The following FBXO34 variants were observed in gnomAD, a reference collection of about 807,000 sequenced individuals.
FBXO34 encodes F-box only protein 34.
Under a neutral mutation model 24.5 loss-of-function variants are expected in FBXO34, and 12 were observed. The observed-to-expected ratio is 0.49, with a 90% CI of 0.31 to 0.79. FBXO34 has a LOEUF of 0.79. FBXO34 is among the 30% of genes least tolerant of loss of function. The probability of loss-of-function intolerance (pLI) is 0.04; values close to 1 mark genes in which losing one functional copy is unlikely to be tolerated. For synonymous variants in FBXO34, 320 were observed against 311.9 expected (o/e 1.03, Z -0.27); for missense variants, 823 against 857.7 (o/e 0.96, Z 0.51).
the FBXO34 span, chr14:55,381,858 T>A: frequency 1.1e-6 from 1 of 920,558 alleles, no homozygotes; most frequent in Non-Finnish European, 1.7e-6. Context: ...GTGAATGTAC[T>A]AAATGCCCCT....
chr14:55,427,866 A>C, the FBXO34 span, among the ~76,000 whole-genome samples: 29,379 of 147,822 alleles, frequency 0.2, 4,805 homozygotes, highest in African/African-American at 0.45. Context: ...TAGGGGACAA[A>C]CTAGTTAGGA....
chr14:55,423,638 ATAT>A, the FBXO34 span, among the ~76,000 whole-genome samples: 1 of 152,232 alleles, frequency 6.6e-6, no homozygotes, highest in East Asian at 1.9e-4. Context: ...TGGGGAAAAA[ATAT>A]TACATAACAC....
intron 1 of FBXO34, among the ~76,000 whole-genome samples, chr14:55,330,470 C>G (rs1883495953): frequency 6.6e-6 from 1 of 152,002 alleles, no homozygotes. Flanking sequence ...ATCTGCATGA[C>G]TGTAAAATAG....
the FBXO34 span, among the ~76,000 whole-genome samples, chr14:55,379,485 C>T: frequency 2.6e-5 from 4 of 152,016 alleles, no homozygotes; most frequent in Admixed American, 6.6e-5. Flanking sequence ...ACGGAGGTTG[C>T]AATGAGCTAA....
the FBXO34 span, among the ~76,000 whole-genome samples, chr14:55,427,309 C>T: frequency 6.6e-6 from 1 of 151,904 alleles, no homozygotes; most frequent in African/African-American, 2.4e-5. Flanking sequence ...AAAAAGAAAA[C>T]ATAATCAAGA....
At chr14:55,422,767 C>T in the FBXO34 span, among the ~76,000 whole-genome samples, 1 of 152,040 alleles carries the variant, frequency 6.6e-6, no homozygotes, top group Non-Finnish European at 1.5e-5. Context: ...GCAGGAGAAT[C>T]ACTTGAACGC....
intron 1 of FBXO34, among the ~76,000 whole-genome samples, chr14:55,346,522 A>G (rs998540580): frequency 6.6e-6 from 1 of 152,206 alleles, no homozygotes; most frequent in Non-Finnish European, 1.5e-5. Context: ...GCTGTGGGAT[A>G]TGAAGTTGGG....
At chr14:55,332,343 T>A (rs1160622430) in intron 1 of FBXO34, among the ~76,000 whole-genome samples, 1 of 152,022 alleles carries the variant, frequency 6.6e-6, no homozygotes, top group African/African-American at 2.4e-5. Context: ...TAGCAATAAT[T>A]ATGGCAAATG....
the FBXO34 span, among the ~76,000 whole-genome samples, chr14:55,392,340 C>A: frequency 2.6e-4 from 40 of 152,118 alleles, no homozygotes; most frequent in Admixed American, 9.8e-4. Context: ...TTAAAGTGAA[C>A]AAAGGATCAA....
the FBXO34 span, among the ~76,000 whole-genome samples, chr14:55,413,240 G>A: frequency 6.6e-6 from 1 of 152,132 alleles, no homozygotes; most frequent in South Asian, 2.1e-4. Context: ...TTTGTATTCA[G>A]ACAGGATCCT....
intron 1 of FBXO34, chr14:55,299,266 G>T (rs1882256643): frequency 2.5e-6 from 2 of 784,614 alleles, no homozygotes; most frequent in South Asian, 1.4e-5. Flanking sequence ...ACTGGGCTGG[G>T]TCCAGCGCGG....
At chr14:55,376,488 A>G in the FBXO34 span, among the ~76,000 whole-genome samples, 1 of 152,180 alleles carries the variant, frequency 6.6e-6, no homozygotes, top group South Asian at 2.1e-4. Flanking sequence ...CATTGTAAGT[A>G]TATGTGCAGT....
chr14:55,331,790 G>T (rs1306148911), intron 1 of FBXO34, among the ~76,000 whole-genome samples: 1 of 59,408 alleles, frequency 1.7e-5, no homozygotes, highest in Non-Finnish European at 3.1e-5. Flanking sequence ...CCACCATGGT[G>T]TATATATAAA....
At chr14:55,364,463 C>T (rs1884635915), downstream of FBXO34, among the ~76,000 whole-genome samples, 2 of 151,636 alleles carry the variant, frequency 1.3e-5, no homozygotes, top group East Asian at 2.0e-4. Context: ...GAGTCTTTGT[C>T]GCCCAGGCTG....
intron 1 of FBXO34, among the ~76,000 whole-genome samples, chr14:55,278,477 T>C (rs1056498124): frequency 6.6e-6 from 1 of 152,194 alleles, no homozygotes; most frequent in Non-Finnish European, 1.5e-5. Context: ...GATTCAGTTA[T>C]ACTTGTGTGA....
chr14:55,323,928 C>T (rs1217540640), intron 1 of FBXO34, among the ~76,000 whole-genome samples: 1 of 152,138 alleles, frequency 6.6e-6, no homozygotes, highest in Non-Finnish European at 1.5e-5. Context: ...ATATTAATCA[C>T]ATACCACAAA....
At chr14:55,406,597 A>G in the FBXO34 span, among the ~76,000 whole-genome samples, 5 of 152,240 alleles carry the variant, frequency 3.3e-5, no homozygotes, top group East Asian at 5.8e-4. Context: ...TTTTGTGCAC[A>G]TAACAGTGCC....
chr14:55,349,641 T>C (rs1195444962), intron 1 of FBXO34, among the ~76,000 whole-genome samples: 1 of 137,906 alleles, frequency 7.3e-6, no homozygotes, highest in East Asian at 2.1e-4. Context: ...AAAGTCTCGC[T>C]CTGTTGCCCA....
intron 1 of FBXO34, among the ~76,000 whole-genome samples, chr14:55,292,561 C>A (rs2139680843): frequency 6.6e-6 from 1 of 152,194 alleles, no homozygotes; most frequent in East Asian, 1.9e-4. Flanking sequence ...TGTGGTTTCA[C>A]CATGTTGCAC....
Sources: gnomAD v4.1 joint callset for allele counts (sites outside exome capture counted in the v4.1 genomes callset) on GRCh38, gnomAD v4.1.1 for gene constraint, MANE v1.5 for transcripts, NCBI Gene and HGNC (gene_info 2026-07-23, HGNC 2026-07-21) for gene names.